CAPZB: variants seen among roughly 807,000 people sequenced by gnomAD.
CAPZB encodes the protein F-actin-capping protein subunit beta.
CAPZB carries 2 observed loss-of-function variants against 38.1 expected under a neutral mutation model. That is an observed-to-expected ratio of 0.05 (90% CI 0.02 to 0.17). The LOEUF is 0.17. Among genes scored for constraint, CAPZB ranks in the 10% least tolerant of loss-of-function variants. The pLI, the probability that CAPZB is intolerant of heterozygous loss-of-function variation, is 1.00. For missense variants in CAPZB, 161 were observed against 334.2 expected, an observed-to-expected ratio of 0.48 and a Z score of 4.04; for synonymous variants, 107 against 127.4, an observed-to-expected ratio of 0.84 and a Z score of 1.08.
chr1:19,395,140 G>A (rs531280089), intron 2 of CAPZB, among the ~76,000 whole-genome samples: 3 of 152,272 alleles, frequency 2.0e-5, no homozygotes, highest in Admixed American at 1.3e-4. Flanking sequence ...TTTTCGTCAC[G>A]TAACCCCTTC....
intron 2 of CAPZB, among the ~76,000 whole-genome samples, chr1:19,406,770 C>T (rs935984331): frequency 1.1e-4 from 17 of 152,144 alleles, no homozygotes; most frequent in African/African-American, 3.6e-4. Flanking sequence ...ACCTGGCACA[C>T]GATAGTCATC....
At chr1:19,393,034 CACT>C (rs757302217) in intron 2 of CAPZB, among the ~76,000 whole-genome samples, 1 of 152,190 alleles carries the variant, frequency 6.6e-6, no homozygotes, top group Non-Finnish European at 1.5e-5. Context: ...ACCCCACCAC[CACT>C]ACTTAGTGTA....
rs35949767 is a variant in CAPZB at position 19,396,786 on chromosome 1, CAA to C, written c.94-11162_94-11161del. On this transcript the variant is annotated intron_variant, in intron 2 of 8. Coordinates refer to ENST00000264202, the MANE Select transcript of CAPZB (RefSeq NM_004930.5). Reference sequence around the variant, plus strand: ...TGAAACCCCACCTCTAATAAAAATACAAAAAAAAAAAAAAAAAGAAATTAGGC... The same window carrying C: ...TGAAACCCCACCTCTAATAAAAATACAAAAAAAAAAAAAAAGAAATTAGGC... Among the ~76,000 whole-genome samples the C allele has an allele frequency of 2.6e-3, 318 of 121,356 alleles. 2 individuals carry two copies. Among genetic ancestry groups the C allele is most frequent in the Middle Eastern group, 0.012 (3 of 246 alleles). 79.6% of individuals were successfully genotyped at this position (121,356 alleles called of 152,430 possible). A position where few individuals can be genotyped will look rare whatever the true frequency, so the allele number is the denominator to read the frequency against.
intron 6 of CAPZB, among the ~76,000 whole-genome samples, chr1:19,348,622 C>T (rs546531980): frequency 9.9e-5 from 15 of 152,058 alleles, no homozygotes; most frequent in Admixed American, 5.9e-4. Context: ...GAGGGGGGAC[C>T]GAGCAGTGAG....
intron 2 of CAPZB, among the ~76,000 whole-genome samples, chr1:19,412,729 C>T (rs1196591084): frequency 6.6e-6 from 1 of 152,178 alleles, no homozygotes; most frequent in East Asian, 1.9e-4. Context: ...ATGAGAAGCG[C>T]CAAGGCACAA....
At chr1:19,404,275 G>A (rs1334224156) in intron 2 of CAPZB, among the ~76,000 whole-genome samples, 2 of 147,714 alleles carry the variant, frequency 1.4e-5, no homozygotes, top group African/African-American at 5.0e-5. Context: ...TGGGCGCAGT[G>A]GCTCATGCCT....
At chr1:19,344,246 G>A in intron 8 of CAPZB, 112 bp downstream of exon 8, 1 of 803,476 alleles carries the variant, frequency 1.2e-6, no homozygotes, top group South Asian at 1.5e-5. Flanking sequence ...GAGGGGCACT[G>A]CAGCCTACCA....
At chr1:19,341,320 C>A (rs530703086) in intron 8 of CAPZB, among the ~76,000 whole-genome samples, 2 of 152,326 alleles carry the variant, frequency 1.3e-5, no homozygotes, top group African/African-American at 4.8e-5. Context: ...GGGAGGTCAA[C>A]ATGGCCAGCG....
At chr1:19,484,360 C>CAAGGAT in intron 1 of CAPZB, 1 of 1,552,532 alleles carries the variant, frequency 6.4e-7, no homozygotes, top group Non-Finnish European at 8.7e-7. Context: ...TGCGTTCATC[C>CAAGGAT]TTGTCCTGTG....
At chr1:19,397,395 A>T (rs977342910) in intron 2 of CAPZB, among the ~76,000 whole-genome samples, 1 of 152,226 alleles carries the variant, frequency 6.6e-6, no homozygotes, top group Non-Finnish European at 1.5e-5. Flanking sequence ...GGTGAAAAAA[A>T]GAGGCACAGG....
At chr1:19,375,777 G>C (rs2094141651) in intron 4 of CAPZB, among the ~76,000 whole-genome samples, 1 of 152,182 alleles carries the variant, frequency 6.6e-6, no homozygotes, top group Non-Finnish European at 1.5e-5. Flanking sequence ...CGGCTCCTGT[G>C]GTTTTCTAGC....
intron 1 of CAPZB, among the ~76,000 whole-genome samples, chr1:19,430,051 C>A (rs966870245): frequency 6.6e-6 from 1 of 152,188 alleles, no homozygotes; most frequent in African/African-American, 2.4e-5. Flanking sequence ...CAGCCCAGGA[C>A]AGCATCAAGA....
intron 2 of CAPZB, among the ~76,000 whole-genome samples, chr1:19,412,369 G>A (rs1170483801): frequency 6.6e-6 from 1 of 152,132 alleles, no homozygotes; most frequent in Non-Finnish European, 1.5e-5. Flanking sequence ...AAACCCACGG[G>A]GAACTCTGGT....
intron 1 of CAPZB, among the ~76,000 whole-genome samples, chr1:19,430,396 T>A (rs1558254494): frequency 6.6e-6 from 1 of 152,206 alleles, no homozygotes; most frequent in East Asian, 1.9e-4. Flanking sequence ...GTAGTTTTTT[T>A]GGATAACCAA....
intron 4 of CAPZB, among the ~76,000 whole-genome samples, chr1:19,376,067 G>A (rs930897225): frequency 2.0e-5 from 3 of 152,182 alleles, no homozygotes; most frequent in Non-Finnish European, 4.4e-5. Context: ...CCTAAATGGC[G>A]AAGTAAGGCA....
intron 4 of CAPZB, among the ~76,000 whole-genome samples, chr1:19,371,684 T>G (rs2094120205): frequency 6.6e-6 from 1 of 151,934 alleles, no homozygotes; most frequent in Non-Finnish European, 1.5e-5. Context: ...CCCCAGCACC[T>G]CAGCTGCCCG....
At chr1:19,452,566 G>T (rs1359061110) in intron 1 of CAPZB, among the ~76,000 whole-genome samples, 3 of 152,144 alleles carry the variant, frequency 2.0e-5, no homozygotes, top group Non-Finnish European at 2.9e-5. Flanking sequence ...CACCCTGAAG[G>T]CAGAGTCAGC....
chr1:19,476,227 G>GATAGATAGATAA (rs1237046140), intron 1 of CAPZB, among the ~76,000 whole-genome samples: 2 of 46,882 alleles, frequency 4.3e-5, no homozygotes, highest in Non-Finnish European at 1.2e-4. Context: ...TAGATAGATA[G>GATAGATAGATAA]GCAGGCAGGC....
At position 19,467,329 on chromosome 1, in the gene CAPZB, T is replaced by C. The variant is rs563140448; in HGVS notation, c.3+18107A>G. On this transcript the variant is annotated intron_variant, in intron 1 of 8. Coordinates refer to ENST00000264202, the MANE Select transcript of CAPZB (RefSeq NM_004930.5). ...TGCAGCAGGCTAAAGCAAGAAGGAATAAAAGGAAAGATAAAGCAAACAGAA... is the reference window on the plus strand; with the variant it reads ...TGCAGCAGGCTAAAGCAAGAAGGAACAAAAGGAAAGATAAAGCAAACAGAA... 3.9e-5 allele frequency among the ~76,000 whole-genome samples: 6 copies of C among 152,082 alleles called. No homozygotes were observed. In the South Asian group the frequency reaches 1.0e-3, roughly 26 times the overall value.
Sources: allele counts gnomAD v4.1 joint callset (sites outside exome capture counted in the v4.1 genomes callset), GRCh38; gene constraint gnomAD v4.1.1; transcripts MANE v1.5; gene names NCBI Gene and HGNC (gene_info 2026-07-23, HGNC 2026-07-21).